Variants in MNAT1 observed in about 807,000 individuals in gnomAD.
The protein encoded by MNAT1 is MNAT1 component of CDK activating kinase.
Under a neutral mutation model 42.0 loss-of-function variants are expected in MNAT1, and 43 were observed. The observed-to-expected ratio is 1.02, with a 90% CI of 0.80 to 1.32. MNAT1 has a LOEUF of 1.32. Among genes scored for constraint, MNAT1 ranks in the 40% most tolerant of loss-of-function variants. MNAT1 has a pLI of 0.00. For synonymous variants in MNAT1, 118 were observed against 120.0 expected (o/e 0.98, Z 0.11); for missense variants, 306 against 350.4 (o/e 0.87, Z 1.01).
At chr14:60,897,967 G>T (rs2034992798) in intron 7 of MNAT1, among the ~76,000 whole-genome samples, 1 of 152,026 alleles carries the variant, frequency 6.6e-6, no homozygotes, top group Non-Finnish European at 1.5e-5. Context: ...GTTTTTATGT[G>T]AGTGAGAACA....
chr14:60,963,769 T>C (rs2036637056), intron 7 of MNAT1, among the ~76,000 whole-genome samples: 1 of 152,248 alleles, frequency 6.6e-6, no homozygotes, highest in East Asian at 1.9e-4. Flanking sequence ...CTACCTTTCT[T>C]AGTTTGAACC....
intron 1 of MNAT1, among the ~76,000 whole-genome samples, chr14:60,762,164 C>G (rs1344900033): frequency 6.6e-6 from 1 of 152,136 alleles, no homozygotes; most frequent in African/African-American, 2.4e-5. Flanking sequence ...GAGTCAGTGA[C>G]TTGAAGTTTG....
intron 6 of MNAT1, among the ~76,000 whole-genome samples, chr14:60,840,288 G>A (rs1326388630): frequency 3.3e-5 from 5 of 152,220 alleles, no homozygotes; most frequent in African/African-American, 1.2e-4. Context: ...AGCTGTAGGA[G>A]ACTAAGAGAG....
At chr14:60,853,873 G>A (rs113781493) in intron 6 of MNAT1, among the ~76,000 whole-genome samples, 84 of 152,298 alleles carry the variant, frequency 5.5e-4, no homozygotes, top group African/African-American at 1.9e-3. Context: ...TGTTGAACCA[G>A]CCTTGCATCC....
At chr14:60,808,499 C>T in intron 4 of MNAT1, 71 bp downstream of exon 4, 8 of 938,674 alleles carry the variant, frequency 8.5e-6, no homozygotes, top group Middle Eastern at 3.3e-4. Context: ...TTTAAAAAGC[C>T]ATCTTCCTTT....
chr14:60,915,133 T>C (rs915945653), intron 7 of MNAT1, among the ~76,000 whole-genome samples: 3 of 152,242 alleles, frequency 2.0e-5, no homozygotes, highest in African/African-American at 7.2e-5. Flanking sequence ...TGTAACTTTT[T>C]TTACTCTGCC....
chr14:60,935,962 GAAAAAAAGAAACAA>G (rs1205419660), intron 7 of MNAT1, among the ~76,000 whole-genome samples: 4 of 151,998 alleles, frequency 2.6e-5, no homozygotes, highest in Admixed American at 1.3e-4. Flanking sequence ...GGCTAAAAGG[GAAAAAAAGAAACAA>G]AAAACCCAGC....
At chr14:60,905,571 C>A (rs531043034) in intron 7 of MNAT1, among the ~76,000 whole-genome samples, 2 of 152,176 alleles carry the variant, frequency 1.3e-5, no homozygotes, top group East Asian at 3.9e-4. Flanking sequence ...ACGCTGAATC[C>A]AAAGGCCTGA....
At chr14:60,903,936 A>G (rs2035134859) in intron 7 of MNAT1, among the ~76,000 whole-genome samples, 1 of 149,800 alleles carries the variant, frequency 6.7e-6, no homozygotes, top group Non-Finnish European at 1.5e-5. Context: ...CAGTGGCACA[A>G]TCTTGGCCTA....
At chr14:60,873,635 ATTT>A (rs11351310) in intron 6 of MNAT1, among the ~76,000 whole-genome samples, 27 of 108,222 alleles carry the variant, frequency 2.5e-4, no homozygotes, top group Admixed American at 3.9e-4. Context: ...TGCCTGGCTA[ATTT>A]TTTTTTTTTT....
At chr14:60,917,982 G>A (rs2035562730) in intron 7 of MNAT1, among the ~76,000 whole-genome samples, 1 of 151,698 alleles carries the variant, frequency 6.6e-6, no homozygotes, top group Admixed American at 6.6e-5. Flanking sequence ...AATTCAATTT[G>A]GATTCAGGCT....
In MNAT1 at chr14:60,808,368, G is replaced by C; in HGVS notation, c.360G>C (p.Lys120Asn). Reference sequence around the variant, plus strand: ...ATGTGGATTTGGACAACACCAAAAAGAAAATGGAGATATACCAAAAGGAAA... The same window carrying C: ...ATGTGGATTTGGACAACACCAAAAACAAAATGGAGATATACCAAAAGGAAA... The part of the protein sequence containing the change: ...TNNVDLDNTK[K>N]KMEIYQKENK... The change falls in exon 4 of 8, where the codon AAG (lysine) becomes AAC (asparagine). Residue 120 changes from lysine to asparagine, a missense_variant. Lys to Asn is a moderately conservative substitution (Grantham distance 94, BLOSUM62 0). Coordinates refer to ENST00000261245, the MANE Select transcript of MNAT1 (RefSeq NM_002431.4). 6.3e-7 allele frequency: 1 copy of C among 1,586,510 alleles called. No individual in the cohort carries two copies. Among genetic ancestry groups the C allele is most frequent in the Non-Finnish European group, 8.5e-7 (1 of 1,169,936 alleles).
intron 7 of MNAT1, among the ~76,000 whole-genome samples, chr14:60,955,531 G>A (rs2036472707): frequency 6.6e-6 from 1 of 152,024 alleles, no homozygotes; most frequent in African/African-American, 2.4e-5. Flanking sequence ...GCGTGGTGGT[G>A]GGTGCCTGTA....
At chr14:60,746,954 AC>A (rs1896649109) in intron 1 of MNAT1, among the ~76,000 whole-genome samples, 1 of 62,576 alleles carries the variant, frequency 1.6e-5, no homozygotes, top group East Asian at 4.4e-4. Flanking sequence ...ACACACACAC[AC>A]ACACACACAC....
At chr14:60,801,936 C>T (rs557543944) in intron 3 of MNAT1, among the ~76,000 whole-genome samples, 6 of 152,276 alleles carry the variant, frequency 3.9e-5, no homozygotes, top group South Asian at 2.1e-4. Flanking sequence ...TGGAATACTT[C>T]AGCCTTAAAA....
intron 7 of MNAT1, among the ~76,000 whole-genome samples, chr14:60,891,020 A>G (rs1201398535): frequency 6.6e-6 from 1 of 152,204 alleles, no homozygotes; most frequent in Admixed American, 6.6e-5. Context: ...TTTGAGAAGG[A>G]TTGGTGATAG....
chr14:60,802,279 T>C (rs2032228235), intron 3 of MNAT1, among the ~76,000 whole-genome samples: 1 of 152,196 alleles, frequency 6.6e-6, no homozygotes, highest in Admixed American at 6.5e-5. Context: ...ATGGTGACCA[T>C]AATTAATAAT....
chr14:60,883,680 T>G (rs1359066859), intron 7 of MNAT1, among the ~76,000 whole-genome samples: 1 of 152,154 alleles, frequency 6.6e-6, no homozygotes, highest in Non-Finnish European at 1.5e-5. Context: ...CTATGGCCAT[T>G]TTAACATTAT....
intron 6 of MNAT1, among the ~76,000 whole-genome samples, chr14:60,828,535 T>G (rs1308943696): frequency 2.0e-5 from 3 of 152,080 alleles, no homozygotes; most frequent in African/African-American, 7.2e-5. Context: ...AAAATGTGTT[T>G]TTTTTTTTTG....
Sources: allele counts gnomAD v4.1 joint callset (sites outside exome capture counted in the v4.1 genomes callset), GRCh38; gene constraint gnomAD v4.1.1; transcripts MANE v1.5; gene names NCBI Gene and HGNC (gene_info 2026-07-23, HGNC 2026-07-21).